The following BTBD7 variants were observed in gnomAD, a reference collection of about 807,000 sequenced individuals.
BTBD7 encodes the protein BTB/POZ domain-containing protein 7.
BTBD7 carries 38 observed loss-of-function variants against 99.9 expected under a neutral mutation model. The observed-to-expected ratio is 0.38, with a 90% CI of 0.29 to 0.50. BTBD7 has a LOEUF of 0.50. Among genes scored for constraint, BTBD7 ranks in the 20% least tolerant of loss-of-function variants. The pLI, the probability that BTBD7 is intolerant of heterozygous loss-of-function variation, is 0.93. For synonymous variants in BTBD7, 520 were observed against 511.4 expected (o/e 1.02, Z -0.23); for missense variants, 1,170 against 1,394.6 (o/e 0.84, Z 2.57).
Position 93,242,880 on chromosome 14 carries a change from T to G in BTBD7, c.2792A>C (p.Gln931Pro). 1 of 1,614,192 alleles carries G rather than the reference T, an allele frequency of 6.2e-7. No individual in the cohort carries two copies. The highest frequency in any genetic ancestry group is 8.5e-7 in the Non-Finnish European group (1 of 1,180,032). Residue 931 changes from glutamine to proline, a missense_variant, in exon 11 of 11, where the codon CAA becomes CCA. Gln to Pro is a moderately conservative substitution (Grantham distance 76). Coordinates refer to ENST00000334746, the MANE Select transcript of BTBD7 (RefSeq NM_001002860.4). ...HTSRKKHTLE[Q>P]KTDTRENPQE... is the part of the protein sequence containing the mutation. The stretch of plus-strand genomic sequence containing the variant: ...TGGATTTTCTCTGGTGTCTGTTTTT[T>G]GCTCTAGTGTGTGTTTTTTCCGAGA...
chr14:93,296,122 T>G lies in BTBD7; in HGVS notation c.-71A>C. 1 of 1,510,374 alleles carries G rather than the reference T, an allele frequency of 6.6e-7. No homozygotes were observed. Among genetic ancestry groups the G allele is most frequent in the Non-Finnish European group, 8.9e-7 (1 of 1,126,412 alleles). The allele number at this position is 1,510,374 out of a possible 1,614,324, so 93.6% of individuals were successfully genotyped here. ...TAATCCCAGAGGCCTTTATGAACCT[T>G]CAACCCTGGATCCAGCAGCCTCTTT... On this transcript the variant is annotated 5_prime_UTR_variant, in exon 2 of 11. It removes the in-frame stop codon of an upstream open reading frame in the 5' UTR. Transcript: ENST00000334746.
Position 93,263,806 on chromosome 14 carries a change from A to T in BTBD7, c.1350T>A (p.Ala450=). The change falls in exon 4 of 11, where the codon GCT becomes GCA. Residue 450 remains alanine, a synonymous_variant. Coordinates refer to ENST00000334746, the MANE Select transcript of BTBD7 (RefSeq NM_001002860.4). ...YELSKDHLLT[A]IQSDYLQASE... is the part of the protein sequence containing the mutation. ...TTACCTGTAGGTAGTCAGACTGGATAGCAGTAAGCAGATGGTCTTTGCTGA... is the reference window on the plus strand; with the variant it reads ...TTACCTGTAGGTAGTCAGACTGGATTGCAGTAAGCAGATGGTCTTTGCTGA... 1 of 1,614,150 alleles carries T rather than the reference A, an allele frequency of 6.2e-7. No homozygotes were observed. The highest frequency in any genetic ancestry group is 8.5e-7 in the Non-Finnish European group (1 of 1,179,978).
intron 1 of BTBD7, among the ~76,000 whole-genome samples, chr14:93,321,597 A>G (rs2053270692): frequency 6.6e-6 from 1 of 152,198 alleles, no homozygotes; most frequent in Non-Finnish European, 1.5e-5. Flanking sequence ...CGTCACAAAC[A>G]AACAAGCAAA....
In BTBD7 at chr14:93,239,976, AC is replaced by A. The variant is rs2052204694; in HGVS notation, c.*2296del. The A allele has an allele frequency of 6.6e-6, 1 of 152,170 alleles. No homozygotes were observed. Among genetic ancestry groups the A allele is most frequent in the Non-Finnish European group, 1.5e-5 (1 of 68,028 alleles). The allele number at this position is 152,170 out of a possible 1,614,324, so 9.4% of individuals were successfully genotyped here. A position where few individuals can be genotyped will look rare whatever the true frequency, so the allele number is the denominator to read the frequency against. On this transcript the variant is annotated 3_prime_UTR_variant, in exon 11 of 11. Transcript: ENST00000334746. ...GCGCAGTACATGAACATGTCAACAT[AC>A]ATATGTGGCAGAAACACACATCAAG... is the stretch of plus-strand genomic sequence containing the variant.
chr14:93,332,135 G>T (rs2053437239), intron 1 of BTBD7, among the ~76,000 whole-genome samples: 2 of 152,110 alleles, frequency 1.3e-5, no homozygotes, highest in South Asian at 4.1e-4. Flanking sequence ...CTCACCCTCG[G>T]GGTAAAGCTA....
At chr14:93,296,201 A>T in intron 1 of BTBD7, 44 bp from the exon 2 acceptor site, 1 of 1,252,104 alleles carries the variant, frequency 8.0e-7, no homozygotes, top group South Asian at 3.1e-5. Flanking sequence ...TTTCAAGTGT[A>T]TCTCAGATCA....
At chr14:93,250,045 G>A (rs2052353864) in intron 8 of BTBD7, among the ~76,000 whole-genome samples, 1 of 152,096 alleles carries the variant, frequency 6.6e-6, no homozygotes, top group Admixed American at 6.6e-5. Context: ...TCATGGATGA[G>A]GAAATTAATG....
chr14:93,245,319 G>A (rs1012741705), intron 10 of BTBD7, among the ~76,000 whole-genome samples: 3 of 152,226 alleles, frequency 2.0e-5, no homozygotes, highest in African/African-American at 7.2e-5. Flanking sequence ...AGAGGCAGAG[G>A]CATGCCTGAG....
rs1197861127 is a variant in BTBD7 at position 93,240,163 on chromosome 14, A to C, written c.*2110T>G. ...CGAATGCGATGCACAGCCGACCTGC[A>C]GATTAGTGTTAACTCTGGGAGCTCG... On this transcript the variant is annotated 3_prime_UTR_variant, in exon 11 of 11. Transcript: ENST00000334746. The C allele has an allele frequency of 6.6e-6, 1 of 152,596 alleles. No individual in the cohort carries two copies. The highest frequency in any genetic ancestry group is 1.5e-5 in the Non-Finnish European group (1 of 68,044). The allele number at this position is 152,596 out of a possible 1,614,324, so 9.5% of individuals were successfully genotyped here.
At chr14:93,250,115 A>G (rs1354349662) in intron 8 of BTBD7, among the ~76,000 whole-genome samples, 1 of 152,220 alleles carries the variant, frequency 6.6e-6, no homozygotes, top group African/African-American at 2.4e-5. Context: ...GAGCCAAGAT[A>G]TGAGCCCCCT....
At position 93,249,266 on chromosome 14, in the gene BTBD7, C is replaced by CAA. The variant is rs56893984; in HGVS notation, c.1943-614_1943-613dup. 5.6e-3 allele frequency among the ~76,000 whole-genome samples: 145 copies of CAA among 25,972 alleles called. 21 individuals carry two copies. Among genetic ancestry groups the CAA allele is most frequent in the African/African-American group, 8.8e-3 (66 of 7,498 alleles). The allele number at this position is 25,972 out of a possible 152,430, so 17.0% of individuals were successfully genotyped here. On this transcript the variant is annotated intron_variant, in intron 8 of 10. Transcript: ENST00000334746. ...GAAGAATGAAAGGAAACCAGATAGGCAAAAAAAAAAAAAAAAAAAAAAAAA... is the reference window on the plus strand; with the variant it reads ...GAAGAATGAAAGGAAACCAGATAGGCAAAAAAAAAAAAAAAAAAAAAAAAAAA...
At chr14:93,313,679 T>TACACACACACACACACAC (rs57711099) in intron 1 of BTBD7, among the ~76,000 whole-genome samples, 4 of 145,520 alleles carry the variant, frequency 2.7e-5, no homozygotes, top group Non-Finnish European at 3.0e-5. Context: ...AAAATGAAAC[T>TACACACACACACACACAC]ACACACACAC....
Position 93,242,547 on chromosome 14 carries a change from G to T in BTBD7, c.3125C>A (p.Ala1042Glu), listed in dbSNP as rs1265827419. The T allele has an allele frequency of 1.2e-6, 2 of 1,614,240 alleles. No individual in the cohort carries two copies. Among genetic ancestry groups the T allele is most frequent in the Admixed American group, 3.3e-5 (2 of 60,028 alleles). The change falls in exon 11 of 11, where the codon GCA becomes GAA. Residue 1042 changes from alanine to glutamate, a missense_variant. Physicochemically the swap from Ala to Glu is moderately radical, Grantham distance 107. Transcript: ENST00000334746. ...ACCGGTACTAGCATTTTCTGGGGCT[G>T]CCAAAGGAAAGTCTGACCGCTGGGG... ...QPPQRSDFPL[A>E]APENASTGPA...
Position 93,328,237 on chromosome 14 carries a change from T to A in BTBD7, c.-107+4583A>T, listed in dbSNP as rs149441501. Among the ~76,000 whole-genome samples, 228 of 152,288 alleles carry A rather than the reference T, an allele frequency of 1.5e-3. 1 individual carries two copies. The East Asian group carries it at 0.024, about 16-fold the overall frequency. On this transcript the variant is annotated intron_variant, in intron 1 of 10. Transcript: ENST00000334746. ...AATTCCTAACAAAATACTAATAGCC[T>A]ATTTTTTGCAGAAATAGAAAAACCC...
At chr14:93,279,036 C>T (rs1182716846) in intron 3 of BTBD7, among the ~76,000 whole-genome samples, 1 of 152,230 alleles carries the variant, frequency 6.6e-6, no homozygotes, top group Non-Finnish European at 1.5e-5. Flanking sequence ...ATAAAATTTA[C>T]AGATTTCATC....
chr14:93,295,601 A>T (rs144889783), intron 2 of BTBD7, among the ~76,000 whole-genome samples: 3 of 152,350 alleles, frequency 2.0e-5, no homozygotes, highest in Admixed American at 1.3e-4. Context: ...CATTACTTGT[A>T]TATAATTGTG....
intron 3 of BTBD7, among the ~76,000 whole-genome samples, chr14:93,272,576 T>A (rs947507200): frequency 2.6e-5 from 4 of 152,206 alleles, no homozygotes; most frequent in African/African-American, 9.6e-5. Flanking sequence ...AAAAGCTTCC[T>A]ACTGTCTCCC....
intron 3 of BTBD7, among the ~76,000 whole-genome samples, chr14:93,291,210 T>C (rs1278153626): frequency 6.6e-6 from 1 of 152,070 alleles, no homozygotes; most frequent in Non-Finnish European, 1.5e-5. Flanking sequence ...GTTGTGGTGA[T>C]TATTATAGTT....
At chr14:93,259,902 C>T (rs1337964255) in intron 5 of BTBD7, among the ~76,000 whole-genome samples, 4 of 152,040 alleles carry the variant, frequency 2.6e-5, no homozygotes, top group Admixed American at 2.6e-4. Flanking sequence ...CCACTGTACT[C>T]CAGCCTGGGA....
Sources: allele counts gnomAD v4.1 joint callset (sites outside exome capture counted in the v4.1 genomes callset), GRCh38; gene constraint gnomAD v4.1.1; transcripts MANE v1.5; gene names NCBI Gene and HGNC (gene_info 2026-07-23, HGNC 2026-07-21).